Variants in UVSSA observed in about 807,000 individuals in gnomAD.
The protein encoded by UVSSA is UV-stimulated scaffold protein A.
UVSSA carries 72 observed loss-of-function variants against 73.9 expected under a neutral mutation model. The ratio of observed to expected loss-of-function variants is 0.97; its 90% CI spans 0.81 to 1.19. UVSSA has a LOEUF of 1.19. UVSSA is among the 50% of genes most tolerant of loss of function. The probability of loss-of-function intolerance (pLI) is 0.00; values close to 1 mark genes in which losing one functional copy is unlikely to be tolerated. For missense variants in UVSSA, 1,150 were observed against 965.0 expected (o/e 1.19, Z -2.54); for synonymous variants, 454 against 391.3 (o/e 1.16, Z -1.89).
upstream of UVSSA, among the ~76,000 whole-genome samples, chr4:1,343,379 C>T (rs965225162): frequency 3.3e-5 from 5 of 152,100 alleles, no homozygotes. Flanking sequence ...GGCCTCATCT[C>T]CAAATAAAGT....
chr4:1,358,757 A>C (rs934995545), intron 7 of UVSSA, among the ~76,000 whole-genome samples: 21 of 152,266 alleles, frequency 1.4e-4, no homozygotes, highest in Admixed American at 1.3e-3. Context: ...TTTTCAAATA[A>C]AATTTACAGA....
intron 12 of UVSSA, 60 bp from the exon 13 acceptor site, chr4:1,383,706 C>A (rs1213020707): frequency 6.2e-7 from 1 of 1,602,090 alleles, no homozygotes; most frequent in Non-Finnish European, 8.5e-7. Context: ...CTGGGGGCCT[C>A]GGGTAAGAGG....
rs1186017760 is a variant in UVSSA at position 1,353,091 on chromosome 4, G to A, written c.612G>A (p.Val204=). 1 of 1,613,058 alleles carries A rather than the reference G, an allele frequency of 6.2e-7. No individual in the cohort carries two copies. Among genetic ancestry groups the A allele is most frequent in the Non-Finnish European group, 8.5e-7 (1 of 1,180,010 alleles). Residue 204 remains valine (V), a synonymous_variant, in exon 5 of 14, where the codon GTG becomes GTA. Coordinates refer to ENST00000389851, the MANE Select transcript of UVSSA (RefSeq NM_020894.4). ...TEVESCFRLL[V]PFDFDPNPET... ...TAGAGAGCTGCTTTAGGCTGCTGGT[G>A]CCTTTTGACTTTGACCCGAACCCGG... is the stretch of plus-strand genomic sequence containing the variant.
At chr4:1,356,928 T>G (rs1252453921) in intron 7 of UVSSA, 1 of 152,976 alleles carries the variant, frequency 6.5e-6, no homozygotes, top group Non-Finnish European at 1.5e-5. Flanking sequence ...GCAGACAGTT[T>G]TGTCTGAAGG....
chr4:1,376,305 C>T, intron 10 of UVSSA, 137 bp downstream of exon 10: 1 of 1,321,776 alleles, frequency 7.6e-7, no homozygotes, highest in Non-Finnish European at 9.9e-7. Flanking sequence ...ACCTTCCGGG[C>T]ACCTGGAGGG....
chr4:1,353,391 G>C lies in UVSSA; in HGVS notation c.912G>C (p.Thr304=). The C allele has an allele frequency of 1.9e-6, 3 of 1,581,980 alleles. No individual in the cohort carries two copies. In the South Asian group the frequency reaches 3.4e-5, roughly 18 times the overall value. Reference sequence around the variant, plus strand: ...ACGGGCTGGGCTCGCACAAGTACACGCTGGATGTGGAGCTCTGCTCAGGTA... The same window carrying C: ...ACGGGCTGGGCTCGCACAAGTACACCCTGGATGTGGAGCTCTGCTCAGGTA... ...RSHGLGSHKY[T]LDVELCSEGL... Residue 304 remains threonine (T), a synonymous_variant, in exon 5 of 14, where the codon ACG becomes ACC. Transcript: ENST00000389851.
exon 14 of UVSSA, chr4:1,393,066 G>A (rs936344219): frequency 2.0e-5 from 3 of 152,192 alleles, no homozygotes; most frequent in African/African-American, 7.2e-5. Context: ...CTCCAGCTAC[G>A]TGTGTTGATG....
chr4:1,364,620 T>C (rs1007921455), intron 7 of UVSSA, among the ~76,000 whole-genome samples: 2 of 152,180 alleles, frequency 1.3e-5, no homozygotes, highest in Non-Finnish European at 2.9e-5. Flanking sequence ...TATAAACCCA[T>C]TAAGGGTCCC....
At chr4:1,378,065 A>G (rs181113186) in intron 10 of UVSSA, among the ~76,000 whole-genome samples, 3 of 152,230 alleles carry the variant, frequency 2.0e-5, no homozygotes, top group African/African-American at 7.2e-5. Context: ...CACCAAGTGG[A>G]GGGGTCCTGC....
chr4:1,384,235 C>G (rs896407429), intron 13 of UVSSA: 3 of 440,380 alleles, frequency 6.8e-6, no homozygotes, highest in Non-Finnish European at 1.2e-5. Flanking sequence ...AGGACACAGG[C>G]CTTGGCTGGT....
At chr4:1,394,754 G>A (rs35359735) in exon 14 of UVSSA, 15 of 1,593,356 alleles carry the variant, frequency 9.4e-6, no homozygotes, top group African/African-American at 1.5e-5. Flanking sequence ...ATGTGCCCAT[G>A]TGGAGTGCCC....
Position 1,366,378 on chromosome 4 carries a change from C to T in UVSSA, c.1235C>T (p.Pro412Leu), listed in dbSNP as rs1272526683. 5 of 1,613,420 alleles carry T rather than the reference C, an allele frequency of 3.1e-6. No homozygotes were observed. The African/African-American group carries it at 6.7e-5, about 22-fold the overall frequency. The part of the protein sequence containing the change: ...DEDDEDFVEV[P>L]EKEGYEPHIP... ...GACGATGAGGACTTTGTGGAGGTCC[C>T]TGAGAAGGAGGGGTATGAGCCACAC... Residue 412 changes from proline to leucine, a missense_variant, in exon 8 of 14, where the codon CCT (proline) becomes CTT (leucine). Coordinates refer to ENST00000389851, the MANE Select transcript of UVSSA (RefSeq NM_020894.4).
intron 1 of UVSSA, 124 bp from the exon 2 acceptor site, chr4:1,347,966 G>A: frequency 1.3e-6 from 1 of 753,170 alleles, no homozygotes; most frequent in Non-Finnish European, 2.2e-6. Flanking sequence ...CCCACAGATG[G>A]ACCCCAGCCT....
chr4:1,371,700 T>C (rs1718056813), intron 8 of UVSSA, among the ~76,000 whole-genome samples: 1 of 152,084 alleles, frequency 6.6e-6, no homozygotes, highest in African/African-American at 2.4e-5. Context: ...TTTACAGCCG[T>C]CAGATCTCGT....
intron 10 of UVSSA, among the ~76,000 whole-genome samples, chr4:1,379,422 G>T (rs1207401043): frequency 6.6e-6 from 1 of 152,284 alleles, no homozygotes; most frequent in Admixed American, 6.5e-5. Context: ...CATGGCATCC[G>T]CCGGAAAGCG....
intron 9 of UVSSA, 36 bp downstream of exon 9, chr4:1,375,544 C>G (rs774691297): frequency 1.3e-6 from 2 of 1,592,408 alleles, no homozygotes; most frequent in Non-Finnish European, 1.7e-6. Context: ...AGCCCCCTGC[C>G]CGGCGCTGCC....
intron 8 of UVSSA, among the ~76,000 whole-genome samples, chr4:1,371,208 C>G (rs768051787): frequency 6.6e-6 from 1 of 152,032 alleles, no homozygotes; most frequent in African/African-American, 2.4e-5. Context: ...AAGGCCTGCA[C>G]GCTCTGCAGC....
chr4:1,343,146 A>C (rs2109029848), upstream of UVSSA, among the ~76,000 whole-genome samples: 1 of 152,102 alleles, frequency 6.6e-6, no homozygotes, highest in Admixed American at 6.5e-5. Context: ...TAAACAATGG[A>C]CATTTATTTC....
chr4:1,394,298 C>A, exon 14 of UVSSA: 3 of 905,772 alleles, frequency 3.3e-6, no homozygotes, highest in East Asian at 2.6e-5. Context: ...AATTATCAAT[C>A]TTTCTTGGCT....
Sources: gnomAD v4.1 joint callset for allele counts (sites outside exome capture counted in the v4.1 genomes callset) on GRCh38, gnomAD v4.1.1 for gene constraint, MANE v1.5 for transcripts, NCBI Gene and HGNC (gene_info 2026-07-23, HGNC 2026-07-21) for gene names.